The following ZNF385B variants were observed in gnomAD, a reference collection of about 807,000 sequenced individuals.
ZNF385B encodes the protein zinc finger protein 385B.
ZNF385B carries 23 observed loss-of-function variants against 39.2 expected under a neutral mutation model. The ratio of observed to expected loss-of-function variants is 0.59; its 90% CI spans 0.42 to 0.83. The LOEUF is 0.83. Ranked by LOEUF, ZNF385B falls within the 40% of genes least tolerant of loss-of-function variation. ZNF385B has a pLI of 0.00. For missense variants in ZNF385B, 552 were observed against 598.9 expected, an observed-to-expected ratio of 0.92 and a Z score of 0.82; for synonymous variants, 205 against 222.6, an observed-to-expected ratio of 0.92 and a Z score of 0.70.
At chr2:179,783,889 T>C (rs1704827924) in intron 1 of ZNF385B, among the ~76,000 whole-genome samples, 1 of 152,122 alleles carries the variant, frequency 6.6e-6, no homozygotes, top group African/African-American at 2.4e-5. Context: ...GTAAATTAGT[T>C]CAACCATTGT....
At chr2:179,496,664 G>A (rs1306222914) in intron 5 of ZNF385B, among the ~76,000 whole-genome samples, 1 of 152,170 alleles carries the variant, frequency 6.6e-6, no homozygotes, top group Non-Finnish European at 1.5e-5. Context: ...AAATCTTAAA[G>A]GCCAGGAAAG....
chr2:179,603,917 T>C (rs527290462), intron 3 of ZNF385B, among the ~76,000 whole-genome samples: 1 of 152,160 alleles, frequency 6.6e-6, no homozygotes, highest in African/African-American at 2.4e-5. Context: ...AAAAAATAAC[T>C]ATAGTGTGAT....
chr2:179,623,604 A>G (rs570891596), intron 3 of ZNF385B, among the ~76,000 whole-genome samples: 1 of 152,264 alleles, frequency 6.6e-6, no homozygotes, highest in South Asian at 2.1e-4. Flanking sequence ...CGGGGCAGGA[A>G]TGTAGTCCAG....
intron 3 of ZNF385B, among the ~76,000 whole-genome samples, chr2:179,691,336 A>G (rs1444161600): frequency 2.6e-5 from 4 of 152,236 alleles, no homozygotes. Flanking sequence ...GCTCTGATAA[A>G]AAAAATGAAA....
intron 1 of ZNF385B, chr2:179,814,722 T>C (rs1575541329): frequency 9.1e-6 from 2 of 220,706 alleles, no homozygotes; most frequent in East Asian, 1.3e-4. Context: ...CCTTTTCATG[T>C]AGAAACCTTT....
At chr2:179,576,986 T>A (rs1217044575) in intron 3 of ZNF385B, among the ~76,000 whole-genome samples, 1 of 152,040 alleles carries the variant, frequency 6.6e-6, no homozygotes, top group Non-Finnish European at 1.5e-5. Context: ...TTGAGGAAAA[T>A]CTCACAACAG....
chr2:179,813,668 T>A (rs956793995), intron 1 of ZNF385B, among the ~76,000 whole-genome samples: 2 of 152,184 alleles, frequency 1.3e-5, no homozygotes, highest in Admixed American at 6.5e-5. Flanking sequence ...ATAACACTTA[T>A]TAAATTGTCC....
intron 3 of ZNF385B, among the ~76,000 whole-genome samples, chr2:179,577,225 A>T (rs1210258324): frequency 6.6e-6 from 1 of 152,122 alleles, no homozygotes; most frequent in East Asian, 1.9e-4. Context: ...GACTAAAGGG[A>T]TCTTATTTTT....
intron 1 of ZNF385B, among the ~76,000 whole-genome samples, chr2:179,811,692 TC>T (rs1426060079): frequency 6.6e-6 from 1 of 151,430 alleles, no homozygotes; most frequent in Non-Finnish European, 1.5e-5. Flanking sequence ...ACGATAAGAA[TC>T]CTAGAAAAAA....
chr2:179,614,270 C>T (rs1017082939), intron 3 of ZNF385B, among the ~76,000 whole-genome samples: 4 of 151,810 alleles, frequency 2.6e-5, no homozygotes, highest in African/African-American at 7.3e-5. Context: ...GAGCAACTGA[C>T]GAGGGCTTCT....
chr2:179,461,597 A>G (rs948299673), intron 6 of ZNF385B, among the ~76,000 whole-genome samples: 3 of 152,208 alleles, frequency 2.0e-5, no homozygotes, highest in Non-Finnish European at 4.4e-5. Context: ...CTGGCCTTTT[A>G]GCCAGAAAAA....
At chr2:179,612,209 G>GGATT (rs1172317178) in intron 3 of ZNF385B, among the ~76,000 whole-genome samples, 6 of 152,110 alleles carry the variant, frequency 3.9e-5, no homozygotes, top group African/African-American at 1.4e-4. Context: ...TATCTCTCCA[G>GGATT]GATTGGTCCT....
At chr2:179,533,502 CT>C (rs1219961572) in intron 4 of ZNF385B, among the ~76,000 whole-genome samples, 1 of 152,102 alleles carries the variant, frequency 6.6e-6, no homozygotes, top group Non-Finnish European at 1.5e-5. Context: ...GACTACTAAT[CT>C]TTTTTGAGTA....
chr2:179,469,951 C>T (rs924794368), intron 6 of ZNF385B, among the ~76,000 whole-genome samples: 11 of 152,128 alleles, frequency 7.2e-5, no homozygotes, highest in African/African-American at 2.7e-4. Flanking sequence ...TTTTTTCTCC[C>T]CAATGGGGGA....
intron 3 of ZNF385B, among the ~76,000 whole-genome samples, chr2:179,713,315 C>A (rs562124559): frequency 6.6e-6 from 1 of 152,286 alleles, no homozygotes; most frequent in African/African-American, 2.4e-5. Flanking sequence ...TCTCCTACAT[C>A]ATTTCTGACT....
At chr2:179,664,051 G>C (rs1252670667) in intron 3 of ZNF385B, among the ~76,000 whole-genome samples, 3 of 133,876 alleles carry the variant, frequency 2.2e-5, no homozygotes, top group Non-Finnish European at 3.2e-5. Context: ...ATAGTTTTAA[G>C]TAAAAAATAT....
intron 5 of ZNF385B, among the ~76,000 whole-genome samples, chr2:179,503,827 A>G (rs2056980861): frequency 6.8e-6 from 1 of 146,322 alleles, no homozygotes; most frequent in South Asian, 2.2e-4. Flanking sequence ...TTATGGCTGC[A>G]TAGTATTCCA....
chr2:179,526,686 T>C (rs1021779237), intron 4 of ZNF385B, among the ~76,000 whole-genome samples: 11 of 152,222 alleles, frequency 7.2e-5, no homozygotes, highest in African/African-American at 2.7e-4. Flanking sequence ...TGTTTGCATC[T>C]GGAGCGTGTA....
intron 3 of ZNF385B, among the ~76,000 whole-genome samples, chr2:179,632,908 G>A (rs1473858017): frequency 2.0e-5 from 3 of 152,172 alleles, no homozygotes; most frequent in Non-Finnish European, 4.4e-5. Context: ...ACTACCATCA[G>A]AGAATACTAT....
Sources: allele counts gnomAD v4.1 joint callset (sites outside exome capture counted in the v4.1 genomes callset), GRCh38; gene constraint gnomAD v4.1.1; transcripts MANE v1.5; gene names NCBI Gene and HGNC (gene_info 2026-07-23, HGNC 2026-07-21).